Variants in RASGRF2 observed in about 807,000 individuals in gnomAD.
RASGRF2 encodes the protein Ras protein specific guanine nucleotide releasing factor 2.
A neutral mutation model predicts 151.0 loss-of-function variants in RASGRF2; 76 were observed. The ratio of observed to expected loss-of-function variants is 0.50; its 90% CI spans 0.42 to 0.61. The LOEUF is 0.61. RASGRF2 is among the 20% of genes least tolerant of loss of function. The pLI is 0.00. For synonymous variants in RASGRF2, 504 were observed against 566.5 expected, an observed-to-expected ratio of 0.89 and a Z score of 1.57; for missense variants, 1,148 against 1,564.6, an observed-to-expected ratio of 0.73 and a Z score of 4.49.
chr5:81,158,178 T>C (rs1275184813), intron 17 of RASGRF2, among the ~76,000 whole-genome samples: 1 of 152,212 alleles, frequency 6.6e-6, no homozygotes, highest in Non-Finnish European at 1.5e-5. Context: ...AAGATAGTCA[T>C]ATAGATCAAT....
rs572704077 is a variant in RASGRF2 at position 81,056,593 on chromosome 5, A to G, written c.396-11439A>G. On this transcript the variant is annotated intron_variant, in intron 2 of 26. Coordinates refer to ENST00000265080, the MANE Select transcript of RASGRF2 (RefSeq NM_006909.3). ...TAAGTGCGGTGTGGTGCTGAGAAGA[A>G]TGTATATTCTGTTGATTTGGGGTGG... is the stretch of plus-strand genomic sequence containing the variant. 4.6e-4 allele frequency among the ~76,000 whole-genome samples: 70 copies of G among 152,310 alleles called. 2 individuals are homozygous for G. Among genetic ancestry groups the G allele is most frequent in the South Asian group, 3.5e-3 (17 of 4,818 alleles).
intron 1 of RASGRF2, among the ~76,000 whole-genome samples, chr5:81,035,042 C>T (rs1179115618): frequency 3.9e-5 from 6 of 152,034 alleles, no homozygotes; most frequent in Non-Finnish European, 7.4e-5. Context: ...TAAACTAGTT[C>T]AACTATTGTG....
At chr5:81,169,961 TCACCTGTAC>T (rs1177584394) in intron 17 of RASGRF2, among the ~76,000 whole-genome samples, 2 of 82,556 alleles carry the variant, frequency 2.4e-5, no homozygotes, top group Non-Finnish European at 5.2e-5. Flanking sequence ...ACCACCTGCA[TCACCTGTAC>T]CACCTGTATC....
chr5:81,092,728 T>G (rs1752425966), intron 9 of RASGRF2, 73 bp from the exon 10 acceptor site: 1 of 1,402,184 alleles, frequency 7.1e-7, no homozygotes, highest in African/African-American at 1.4e-5. Context: ...ACCTTAGTGT[T>G]TATTGCCGTG....
chr5:81,096,443 G>C (rs1253567626), intron 12 of RASGRF2: 1 of 152,210 alleles, frequency 6.6e-6, no homozygotes, highest in Non-Finnish European at 1.5e-5. Context: ...CATGGTTCTT[G>C]CTCTCAGGGA....
chr5:81,113,645 C>A lies in RASGRF2; in HGVS notation c.2195C>A (p.Ala732Asp). ...CRKFSSPPPLAVSRTSSPVRA... is the reference protein window; with the variant it reads ...CRKFSSPPPLDVSRTSSPVRA... Reference sequence around the variant, plus strand: ...AAATTCTCTTCCCCGCCACCACTGGCTGTGTCCAGAACATCTTCCCCAGTG... The same window carrying A: ...AAATTCTCTTCCCCGCCACCACTGGATGTGTCCAGAACATCTTCCCCAGTG... The change falls in exon 15 of 27, where the codon GCT (alanine) becomes GAT (aspartate). Residue 732 changes from alanine to aspartate, a missense_variant. This residue lies in a region of RASGRF2 where 646 missense variants were observed against 807.4 expected (regional missense o/e 0.80). Transcript: ENST00000265080. 6.2e-7 allele frequency: 1 copy of A among 1,612,130 alleles called. No individual in the cohort carries two copies. Among genetic ancestry groups the A allele is most frequent in the Non-Finnish European group, 8.5e-7 (1 of 1,178,176 alleles).
intron 24 of RASGRF2, among the ~76,000 whole-genome samples, chr5:81,216,379 A>G (rs61112032): frequency 0.22 from 31,752 of 146,306 alleles, 3,501 homozygotes; most frequent in Admixed American, 0.31. Flanking sequence ...GCACACACAC[A>G]CACACAAACA....
chr5:81,155,318 C>T (rs201373733), intron 17 of RASGRF2, among the ~76,000 whole-genome samples: 2,550 of 151,730 alleles, frequency 0.017, 88 homozygotes, highest in South Asian at 0.09. Context: ...CAGACCAAAC[C>T]CAAAGCAAAC....
chr5:81,142,902 G>A (rs1753918111), intron 17 of RASGRF2, among the ~76,000 whole-genome samples: 1 of 152,080 alleles, frequency 6.6e-6, no homozygotes, highest in Admixed American at 6.5e-5. Flanking sequence ...GTCTTGTCAG[G>A]AGTCCAGCAG....
At chr5:81,021,587 A>T (rs1180714514) in intron 1 of RASGRF2, among the ~76,000 whole-genome samples, 1 of 151,992 alleles carries the variant, frequency 6.6e-6, no homozygotes, top group African/African-American at 2.4e-5. Context: ...TGTGTCTATC[A>T]GAGGGTGAGG....
At chr5:81,169,281 C>T (rs891403936) in intron 17 of RASGRF2, among the ~76,000 whole-genome samples, 19 of 152,148 alleles carry the variant, frequency 1.2e-4, no homozygotes, top group Non-Finnish European at 2.5e-4. Flanking sequence ...ACCTTAAATT[C>T]GTTTTTGTAG....
chr5:81,086,814 C>T (rs2112489049), intron 8 of RASGRF2, 21 bp from the exon 9 acceptor site: 2 of 1,561,716 alleles, frequency 1.3e-6, no homozygotes, highest in Non-Finnish European at 1.8e-6. Context: ...TTACTGTGAT[C>T]CTGTCTGTGT....
intron 22 of RASGRF2, chr5:81,209,971 C>A (rs1008371166): frequency 1.3e-5 from 2 of 152,624 alleles, no homozygotes; most frequent in African/African-American, 4.8e-5. Context: ...CACTGCCCAA[C>A]ATATTTGCAA....
chr5:81,160,720 A>ATAAT (rs56076627), intron 17 of RASGRF2, among the ~76,000 whole-genome samples: 1 of 149,080 alleles, frequency 6.7e-6, no homozygotes, highest in African/African-American at 2.5e-5. Context: ...AATAATAATA[A>ATAAT]GTCAACCAGG....
intron 1 of RASGRF2, among the ~76,000 whole-genome samples, chr5:81,034,610 T>C (rs1750399215): frequency 6.6e-6 from 1 of 151,626 alleles, no homozygotes; most frequent in Non-Finnish European, 1.5e-5. Flanking sequence ...CATGGAATAC[T>C]ATGCAGCCAT....
intron 17 of RASGRF2, among the ~76,000 whole-genome samples, chr5:81,168,807 G>A (rs371153052): frequency 1.6e-4 from 25 of 152,218 alleles, no homozygotes; most frequent in African/African-American, 5.5e-4. Context: ...GCTTGCCAGA[G>A]TCAAATCCAA....
At chr5:81,006,355 T>C (rs1749269907) in intron 1 of RASGRF2, among the ~76,000 whole-genome samples, 1 of 152,218 alleles carries the variant, frequency 6.6e-6, no homozygotes, top group Admixed American at 6.5e-5. Context: ...CTAACTTTGG[T>C]TGAAGGACCT....
In RASGRF2 at chr5:81,086,744, A is replaced by G. The variant is rs537931194; in HGVS notation, c.1272-91A>G. On this transcript the variant is annotated intron_variant, in intron 8 of 26. Coordinates refer to ENST00000265080, the MANE Select transcript of RASGRF2 (RefSeq NM_006909.3). Reference sequence around the variant, plus strand: ...CCGGTTCAATCGATACAAGCTTGCAACCGAGCTTCTCAGATGGAGCTCTTC... The same window carrying G: ...CCGGTTCAATCGATACAAGCTTGCAGCCGAGCTTCTCAGATGGAGCTCTTC... 5.9e-5 allele frequency: 62 copies of G among 1,045,762 alleles called. No individual in the cohort carries two copies. The South Asian group carries it at 6.9e-4, about 12-fold the overall frequency. 64.8% of individuals were successfully genotyped at this position (1,045,762 alleles called of 1,614,324 possible).
intron 17 of RASGRF2, among the ~76,000 whole-genome samples, chr5:81,152,016 G>A (rs863379): frequency 0.67 from 101,008 of 151,652 alleles, 34,060 homozygotes; most frequent in East Asian, 0.86. Context: ...TTGTTTGTTT[G>A]TTTGAGATGG....
Sources: gnomAD v4.1 joint callset for allele counts (sites outside exome capture counted in the v4.1 genomes callset) on GRCh38, gnomAD v4.1.1 for gene constraint, gnomAD v4.1.1 regional missense constraint, MANE v1.5 for transcripts, NCBI Gene and HGNC (gene_info 2026-07-23, HGNC 2026-07-21) for gene names.